Variants in KLF12 observed in about 807,000 individuals in gnomAD.
KLF12 encodes the protein KLF transcription factor 12, also known as Krueppel-like factor 12.
In KLF12, 9 loss-of-function variants were observed where a neutral mutation model predicts 37.8. The observed-to-expected ratio is 0.24, with a 90% CI of 0.14 to 0.42. KLF12 has a LOEUF of 0.42. KLF12 is among the 10% of genes least tolerant of loss of function. The probability of loss-of-function intolerance (pLI) is 1.00; values close to 1 mark genes in which losing one functional copy is unlikely to be tolerated. For missense variants in KLF12, 411 were observed against 516.0 expected (o/e 0.80, Z 1.97); for synonymous variants, 208 against 202.1 (o/e 1.03, Z -0.25).
chr13:74,288,000 C>G, the KLF12 span, among the ~76,000 whole-genome samples: 1 of 145,568 alleles, frequency 6.9e-6, no homozygotes, highest in South Asian at 2.4e-4. Flanking sequence ...CACTGTTACT[C>G]GCTGAGGAAG....
At chr13:74,285,281 A>ATGG in the KLF12 span, among the ~76,000 whole-genome samples, 2 of 152,206 alleles carry the variant, frequency 1.3e-5, no homozygotes, top group South Asian at 4.1e-4. Context: ...ATTAATAGTA[A>ATGG]TGGTGGTCTT....
At chr13:74,000,135 C>G (rs1892236236) in intron 1 of KLF12, among the ~76,000 whole-genome samples, 1 of 152,098 alleles carries the variant, frequency 6.6e-6, no homozygotes, top group South Asian at 2.1e-4. Context: ...AACGGGTATT[C>G]AAGAAATGTC....
At chr13:73,847,064 G>T (rs1055422195) in intron 3 of KLF12, among the ~76,000 whole-genome samples, 1 of 152,036 alleles carries the variant, frequency 6.6e-6, no homozygotes, top group African/African-American at 2.4e-5. Flanking sequence ...GTTTTAATGA[G>T]CAAAATTTGA....
chr13:73,953,792 A>G (rs1403727998), intron 2 of KLF12, among the ~76,000 whole-genome samples: 2 of 151,766 alleles, frequency 1.3e-5, no homozygotes, highest in African/African-American at 4.9e-5. Context: ...AGTGCTGAAG[A>G]GTTGGGAAAA....
the KLF12 span, among the ~76,000 whole-genome samples, chr13:74,305,825 A>G: frequency 6.6e-6 from 1 of 152,058 alleles, no homozygotes; most frequent in East Asian, 1.9e-4. Context: ...AATTGACTCT[A>G]AGATCCCATC....
At chr13:74,063,472 T>C (rs1475366016) in intron 1 of KLF12, among the ~76,000 whole-genome samples, 2 of 152,208 alleles carry the variant, frequency 1.3e-5, no homozygotes, top group African/African-American at 2.4e-5. Context: ...TCATTTATCT[T>C]AGGGCCAAAT....
intron 1 of KLF12, among the ~76,000 whole-genome samples, chr13:74,071,352 A>T (rs1213475840): frequency 6.6e-6 from 1 of 152,152 alleles, no homozygotes; most frequent in Non-Finnish European, 1.5e-5. Flanking sequence ...TAAACCTATA[A>T]TCCGCAAGAC....
chr13:74,187,867 G>C, the KLF12 span, among the ~76,000 whole-genome samples: 1 of 152,132 alleles, frequency 6.6e-6, no homozygotes, highest in Non-Finnish European at 1.5e-5. Context: ...CCCAAGCCAG[G>C]CCAGCCCCAA....
intron 3 of KLF12, among the ~76,000 whole-genome samples, chr13:73,904,247 A>G (rs1420555821): frequency 1.3e-5 from 2 of 152,122 alleles, no homozygotes; most frequent in Non-Finnish European, 2.9e-5. Context: ...AAAATCCACT[A>G]CCCGACACGT....
the KLF12 span, among the ~76,000 whole-genome samples, chr13:74,287,758 G>A: frequency 6.6e-6 from 1 of 152,214 alleles, no homozygotes; most frequent in South Asian, 2.1e-4. Flanking sequence ...ATGACCTCTT[G>A]TGTCCTCTAC....
At chr13:73,729,881 A>T (rs7335667) in intron 6 of KLF12, among the ~76,000 whole-genome samples, 115,974 of 151,694 alleles carry the variant, frequency 0.76, 44,453 homozygotes, top group Middle Eastern at 0.88. Flanking sequence ...AAAGTGTAGA[A>T]CGTGGACAGC....
chr13:73,927,628 G>A (rs1889457839), intron 3 of KLF12, among the ~76,000 whole-genome samples: 1 of 152,046 alleles, frequency 6.6e-6, no homozygotes, highest in Admixed American at 6.6e-5. Flanking sequence ...CCAGGCTGGA[G>A]TGCAGTGGCG....
rs1032050368 is a variant in KLF12 at position 74,124,717 on chromosome 13, G to A, written c.-32+9022C>T. On this transcript the variant is annotated intron_variant, in intron 1 of 7. Transcript: ENST00000377669. Reference sequence around the variant, plus strand: ...GGAAAAGAAAACTTCCTGGTGATACGGCAAATGATAAAAATTTGCCAAAAC... The same window carrying A: ...GGAAAAGAAAACTTCCTGGTGATACAGCAAATGATAAAAATTTGCCAAAAC... Among the ~76,000 whole-genome samples, 9 of 151,934 alleles carry A rather than the reference G, an allele frequency of 5.9e-5. No individual in the cohort carries two copies. The South Asian group carries it at 8.3e-4, about 14-fold the overall frequency.
intron 5 of KLF12, among the ~76,000 whole-genome samples, chr13:73,768,104 C>G (rs762292047): frequency 6.6e-6 from 1 of 152,210 alleles, no homozygotes; most frequent in Non-Finnish European, 1.5e-5. Context: ...TGTGACCAGC[C>G]TGCCTGACTG....
chr13:74,238,659 T>TACAC, the KLF12 span, among the ~76,000 whole-genome samples: 2 of 148,158 alleles, frequency 1.3e-5, no homozygotes, highest in African/African-American at 5.2e-5. Flanking sequence ...TCTTCCTGGT[T>TACAC]TAGTCTTGGG....
In KLF12 at chr13:73,691,549, T is replaced by C. The variant is rs2137524685; in HGVS notation, c.*3941A>G. On this transcript the variant is annotated 3_prime_UTR_variant, in exon 8 of 8. Transcript: ENST00000377669. Reference sequence around the variant, plus strand: ...ACGCAGACTGTAACATGGATGCTGGTATTCTTAACACTGCTTAATTTCTGT... The same window carrying C: ...ACGCAGACTGTAACATGGATGCTGGCATTCTTAACACTGCTTAATTTCTGT... 6.5e-6 allele frequency: 1 copy of C among 152,766 alleles called. No homozygotes were observed. Among genetic ancestry groups the C allele is most frequent in the South Asian group, 2.1e-4 (1 of 4,828 alleles). 9.5% of individuals were successfully genotyped at this position (152,766 alleles called of 1,614,324 possible). A position where few individuals can be genotyped will look rare whatever the true frequency, so the allele number is the denominator to read the frequency against.
chr13:74,138,287 C>G (rs1173338591), upstream of KLF12, among the ~76,000 whole-genome samples: 2 of 152,172 alleles, frequency 1.3e-5, no homozygotes, highest in Non-Finnish European at 2.9e-5. Flanking sequence ...GAAAATAAAG[C>G]TGATTTCCAG....
At chr13:73,878,020 C>A (rs1478060412) in intron 3 of KLF12, among the ~76,000 whole-genome samples, 1 of 152,124 alleles carries the variant, frequency 6.6e-6, no homozygotes, top group South Asian at 2.1e-4. Context: ...GTTAATACAT[C>A]CTTATCATAT....
At chr13:73,818,276 G>C (rs1301976602) in intron 4 of KLF12, among the ~76,000 whole-genome samples, 1 of 152,254 alleles carries the variant, frequency 6.6e-6, no homozygotes, top group African/African-American at 2.4e-5. Flanking sequence ...CTCCCAAGTA[G>C]CTGGGATTAC....
Sources: gnomAD v4.1 joint callset for allele counts (sites outside exome capture counted in the v4.1 genomes callset) on GRCh38, gnomAD v4.1.1 for gene constraint, MANE v1.5 for transcripts, NCBI Gene and HGNC (gene_info 2026-07-23, HGNC 2026-07-21) for gene names.